Variants in TMEM117 observed in about 807,000 individuals in gnomAD.
The protein encoded by TMEM117 is transmembrane protein 117.
Under a neutral mutation model 52.4 loss-of-function variants are expected in TMEM117, and 27 were observed. That is an observed-to-expected ratio of 0.51 (90% CI 0.38 to 0.71). TMEM117 has a LOEUF of 0.71. TMEM117 is among the 30% of genes least tolerant of loss of function. The pLI is 0.00. For missense variants in TMEM117, 556 were observed against 630.5 expected (o/e 0.88, Z 1.26); for synonymous variants, 215 against 206.3 (o/e 1.04, Z -0.36).
At chr12:43,821,393 A>G in the TMEM117 span, among the ~76,000 whole-genome samples, 3 of 152,032 alleles carry the variant, frequency 2.0e-5, no homozygotes, top group Middle Eastern at 3.2e-3. Flanking sequence ...CAATTCTCCT[A>G]CCTCAGCTTC....
chr12:43,866,846 T>C (rs1191090536), intron 2 of TMEM117, among the ~76,000 whole-genome samples: 1 of 152,168 alleles, frequency 6.6e-6, no homozygotes, highest in Admixed American at 6.5e-5. Flanking sequence ...ATCCCAACAC[T>C]TTGGGAGGCT....
chr12:44,221,878 T>C (rs1949793423), intron 5 of TMEM117, among the ~76,000 whole-genome samples: 1 of 152,108 alleles, frequency 6.6e-6, no homozygotes, highest in Non-Finnish European at 1.5e-5. Context: ...TTTGTATTTT[T>C]AGTAGAGACG....
chr12:44,143,526 G>A lies in TMEM117; in HGVS notation c.412G>A (p.Ala138Thr), dbSNP rs1182663184. 4 of 1,609,308 alleles carry A rather than the reference G, an allele frequency of 2.5e-6. No individual in the cohort carries two copies. Among genetic ancestry groups the A allele is most frequent in the Non-Finnish European group, 3.4e-6 (4 of 1,176,608 alleles). The change falls in exon 4 of 8, where the codon GCA becomes ACA. Residue 138 changes from alanine to threonine, a missense_variant and splice_region_variant. By Grantham distance (58) the Ala-to-Thr change is moderately conservative. Coordinates refer to ENST00000266534, the MANE Select transcript of TMEM117 (RefSeq NM_032256.3). ...TILLMDGNMG[A>T]YIITDYMGIR... ...TGTCTTGTGTGTTTGTTTCCACAGA[G>A]CATATATCATTACAGACTATATGGG... is the stretch of plus-strand genomic sequence containing the variant.
intron 3 of TMEM117, among the ~76,000 whole-genome samples, chr12:43,948,347 C>T (rs1011120693): frequency 6.6e-6 from 1 of 151,966 alleles, no homozygotes; most frequent in African/African-American, 2.4e-5. Context: ...ACTCTGTCGC[C>T]CAGGCTGGAG....
At position 44,097,866 on chromosome 12, in the gene TMEM117, A is replaced by G. The variant is rs571525194; in HGVS notation, c.411-45659A>G. ...CTAAAACTTAAAGTATAATAATAAT[A>G]AAATAAAATAAAATAAAAATACAGT... On this transcript the variant is annotated intron_variant, in intron 3 of 7. Transcript: ENST00000266534. Among the ~76,000 whole-genome samples, 66 of 151,772 alleles carry G rather than the reference A, an allele frequency of 4.3e-4. 1 individual carries two copies. The South Asian group carries it at 0.014, about 31-fold the overall frequency.
intron 3 of TMEM117, among the ~76,000 whole-genome samples, chr12:44,007,309 G>T (rs1946214307): frequency 6.6e-6 from 1 of 151,978 alleles, no homozygotes; most frequent in Admixed American, 6.6e-5. Context: ...TCTTTATGAA[G>T]ATCAGAGTTT....
At chr12:43,800,414 A>G in the TMEM117 span, 1 of 1,572,648 alleles carries the variant, frequency 6.4e-7, no homozygotes, top group Non-Finnish European at 8.7e-7. Context: ...AACATATAGA[A>G]TCCACATACA....
chr12:44,241,055 C>T (rs749988083), intron 5 of TMEM117, among the ~76,000 whole-genome samples: 1 of 151,918 alleles, frequency 6.6e-6, no homozygotes, highest in Non-Finnish European at 1.5e-5. Context: ...TGATCAAGTC[C>T]CTTGTATAAA....
At chr12:43,923,796 G>A (rs11182332) in intron 2 of TMEM117, among the ~76,000 whole-genome samples, 11,063 of 152,160 alleles carry the variant, frequency 0.073, 449 homozygotes, top group East Asian at 0.2. Flanking sequence ...GAAATGGAAA[G>A]TATTGAGTAA....
chr12:44,114,948 C>T (rs557568659), intron 3 of TMEM117, among the ~76,000 whole-genome samples: 1 of 151,986 alleles, frequency 6.6e-6, no homozygotes, highest in Non-Finnish European at 1.5e-5. Flanking sequence ...ATCTTAAATC[C>T]AATTTACTGT....
chr12:43,830,187 T>C, the TMEM117 span, among the ~76,000 whole-genome samples: 1 of 151,828 alleles, frequency 6.6e-6, no homozygotes, highest in Non-Finnish European at 1.5e-5. Flanking sequence ...GCTGCATTTA[T>C]ATAGATTCTG....
the TMEM117 span, among the ~76,000 whole-genome samples, chr12:43,796,743 T>G: frequency 6.6e-5 from 10 of 152,098 alleles, no homozygotes; most frequent in Admixed American, 3.3e-4. Context: ...AACAGAACTT[T>G]AAATCTTATT....
intron 6 of TMEM117, among the ~76,000 whole-genome samples, chr12:44,350,120 A>C (rs760617372): frequency 2.6e-5 from 4 of 151,984 alleles, no homozygotes; most frequent in Non-Finnish European, 5.9e-5. Context: ...TCTCTCTTTC[A>C]GAAGTAATTA....
At chr12:44,053,077 A>G (rs549324455) in intron 3 of TMEM117, among the ~76,000 whole-genome samples, 2 of 152,066 alleles carry the variant, frequency 1.3e-5, no homozygotes, top group Non-Finnish European at 2.9e-5. Flanking sequence ...GGTGTCCTAC[A>G]ATTCAGTTCA....
chr12:44,268,748 A>G (rs1483764321), intron 5 of TMEM117, among the ~76,000 whole-genome samples: 1 of 152,118 alleles, frequency 6.6e-6, no homozygotes, highest in Non-Finnish European at 1.5e-5. Flanking sequence ...CTTGAAATCT[A>G]ATAAGTATGA....
chr12:44,056,309 G>A (rs951889729), intron 3 of TMEM117, among the ~76,000 whole-genome samples: 17 of 152,156 alleles, frequency 1.1e-4, no homozygotes, highest in African/African-American at 3.6e-4. Context: ...TGCCACTGAT[G>A]TTCTTCCCAG....
intron 3 of TMEM117, among the ~76,000 whole-genome samples, chr12:44,051,996 G>A (rs1946981495): frequency 6.6e-6 from 1 of 152,148 alleles, no homozygotes; most frequent in Admixed American, 6.6e-5. Context: ...TCAGTCATGT[G>A]CAATATTGGT....
intron 3 of TMEM117, among the ~76,000 whole-genome samples, chr12:44,124,796 C>T (rs182962856): frequency 2.8e-4 from 42 of 152,200 alleles, no homozygotes; most frequent in Non-Finnish European, 4.7e-4. Context: ...CTGCTAGATT[C>T]GGTTTGTCAA....
intron 3 of TMEM117, among the ~76,000 whole-genome samples, chr12:44,064,688 TTCTA>T (rs1357010268): frequency 6.6e-6 from 1 of 152,236 alleles, no homozygotes; most frequent in Non-Finnish European, 1.5e-5. Context: ...AAATTTTTGT[TTCTA>T]TCCTTGGTTT....
Sources: gnomAD v4.1 joint callset for allele counts (sites outside exome capture counted in the v4.1 genomes callset) on GRCh38, gnomAD v4.1.1 for gene constraint, MANE v1.5 for transcripts, NCBI Gene and HGNC (gene_info 2026-07-23, HGNC 2026-07-21) for gene names.